TBCA: variants seen among roughly 807,000 people sequenced by gnomAD.
The protein encoded by TBCA is tubulin folding cofactor A.
TBCA carries 6 observed loss-of-function variants against 15.8 expected under a neutral mutation model. The ratio of observed to expected loss-of-function variants is 0.38; its 90% CI spans 0.21 to 0.75. The LOEUF (loss-of-function observed/expected upper bound fraction) is 0.75. Among genes scored for constraint, TBCA ranks in the 30% least tolerant of loss-of-function variants. The pLI is 0.46. For synonymous variants in TBCA, 32 were observed against 42.3 expected, an observed-to-expected ratio of 0.76 and a Z score of 0.94; for missense variants, 90 against 131.2, an observed-to-expected ratio of 0.69 and a Z score of 1.53.
chr5:77,755,997 C>G (rs1747466533), intron 1 of TBCA, among the ~76,000 whole-genome samples: 1 of 152,092 alleles, frequency 6.6e-6, no homozygotes, highest in Non-Finnish European at 1.5e-5. Flanking sequence ...AAGAGCGAAA[C>G]TTTATCTCAA....
intron 1 of TBCA, among the ~76,000 whole-genome samples, chr5:77,744,229 T>C (rs1383387855): frequency 2.6e-5 from 4 of 152,112 alleles, no homozygotes; most frequent in Non-Finnish European, 5.9e-5. Flanking sequence ...AATCCTAGAA[T>C]AGTAGTTCTC....
At chr5:77,706,385 G>A (rs995312932) in intron 2 of TBCA, among the ~76,000 whole-genome samples, 1 of 152,126 alleles carries the variant, frequency 6.6e-6, no homozygotes. Flanking sequence ...TGGTGGGGAA[G>A]GAATGGAGGA....
chr5:77,751,291 AGCTGGGATTATAGGC>A (rs1325045672), intron 1 of TBCA, among the ~76,000 whole-genome samples: 11 of 150,238 alleles, frequency 7.3e-5, no homozygotes, highest in Admixed American at 6.7e-4. Flanking sequence ...CTTCCTGGGT[AGCTGGGATTATAGGC>A]GCCCACCACC....
At chr5:77,725,214 C>T (rs1746606819) in intron 1 of TBCA, among the ~76,000 whole-genome samples, 1 of 152,216 alleles carries the variant, frequency 6.6e-6, no homozygotes, top group Admixed American at 6.5e-5. Context: ...TGCTCATTAG[C>T]TGCGAACCGT....
chr5:77,714,424 C>A (rs1477454316), intron 1 of TBCA, among the ~76,000 whole-genome samples: 1 of 152,080 alleles, frequency 6.6e-6, no homozygotes, highest in African/African-American at 2.4e-5. Flanking sequence ...ACTTACACTT[C>A]TCATTAATAA....
chr5:77,738,546 G>A (rs1746963189), intron 1 of TBCA, among the ~76,000 whole-genome samples: 1 of 152,198 alleles, frequency 6.6e-6, no homozygotes, highest in Non-Finnish European at 1.5e-5. Flanking sequence ...GATTCTGCTT[G>A]TTGAACTAGT....
intron 1 of TBCA, among the ~76,000 whole-genome samples, chr5:77,717,868 G>A (rs1347949824): frequency 3.3e-5 from 5 of 151,516 alleles, no homozygotes; most frequent in Non-Finnish European, 4.4e-5. Flanking sequence ...AGTGGCTTAC[G>A]CCTGTAATCC....
At chr5:77,726,045 C>T (rs893905328) in intron 1 of TBCA, among the ~76,000 whole-genome samples, 21 of 152,318 alleles carry the variant, frequency 1.4e-4, no homozygotes, top group African/African-American at 5.1e-4. Flanking sequence ...AGACTCGACA[C>T]ACATTCAACT....
chr5:77,766,287 T>C (rs1209591824), intron 1 of TBCA, among the ~76,000 whole-genome samples: 1 of 152,166 alleles, frequency 6.6e-6, no homozygotes, highest in African/African-American at 2.4e-5. Context: ...AGAACTGTAA[T>C]AATTTTTAAA....
At chr5:77,713,381 G>A (rs1401960098) in intron 1 of TBCA, among the ~76,000 whole-genome samples, 3 of 152,090 alleles carry the variant, frequency 2.0e-5, no homozygotes, top group African/African-American at 4.8e-5. Flanking sequence ...AAATACAGCT[G>A]TTAGTGATTG....
chr5:77,747,107 C>T (rs1240267883), intron 1 of TBCA, among the ~76,000 whole-genome samples: 4 of 152,012 alleles, frequency 2.6e-5, no homozygotes, highest in Non-Finnish European at 5.9e-5. Context: ...GAAAATTACA[C>T]TTTAAAAATC....
intron 2 of TBCA, among the ~76,000 whole-genome samples, chr5:77,704,291 C>A (rs1482885853): frequency 3.3e-5 from 5 of 152,136 alleles, no homozygotes. Context: ...TTTAAAAGAA[C>A]CAAAATTATA....
chr5:77,726,728 T>C (rs926116165), intron 1 of TBCA, among the ~76,000 whole-genome samples: 2 of 152,184 alleles, frequency 1.3e-5, no homozygotes, highest in African/African-American at 4.8e-5. Flanking sequence ...AGAAGCTGAA[T>C]GATAACATTT....
chr5:77,713,121 T>C (rs1422026461), intron 1 of TBCA, among the ~76,000 whole-genome samples: 3 of 152,004 alleles, frequency 2.0e-5, no homozygotes, highest in African/African-American at 2.4e-5. Flanking sequence ...CGGCGAGATT[T>C]TGTCTCTACA....
intron 1 of TBCA, among the ~76,000 whole-genome samples, chr5:77,736,528 A>G (rs1256112298): frequency 6.6e-6 from 1 of 152,172 alleles, no homozygotes; most frequent in African/African-American, 2.4e-5. Context: ...CTCTGCGTGT[A>G]TTTCTCAGTA....
intron 1 of TBCA, among the ~76,000 whole-genome samples, chr5:77,750,409 T>G (rs562400402): frequency 6.6e-6 from 1 of 152,142 alleles, no homozygotes; most frequent in Non-Finnish European, 1.5e-5. Flanking sequence ...TGGGGATGTG[T>G]TCCTGACTCA....
chr5:77,702,095 G>A (rs893541053), intron 2 of TBCA, among the ~76,000 whole-genome samples: 1 of 152,072 alleles, frequency 6.6e-6, no homozygotes, highest in African/African-American at 2.4e-5. Flanking sequence ...AGTGTACACT[G>A]CTTGGGTGAT....
chr5:77,774,416 T>C (rs767140284), intron 1 of TBCA, among the ~76,000 whole-genome samples: 1 of 152,180 alleles, frequency 6.6e-6, no homozygotes, highest in Non-Finnish European at 1.5e-5. Flanking sequence ...ATTTACAATC[T>C]ATTCTCTCTG....
At chr5:77,772,980 G>C (rs936474559) in intron 1 of TBCA, among the ~76,000 whole-genome samples, 1 of 152,056 alleles carries the variant, frequency 6.6e-6, no homozygotes, top group East Asian at 1.9e-4. Flanking sequence ...GAAATGTCAA[G>C]GTCATATAAG....
Sources: allele counts gnomAD v4.1 joint callset (sites outside exome capture counted in the v4.1 genomes callset), GRCh38; gene constraint gnomAD v4.1.1; transcripts MANE v1.5; gene names NCBI Gene and HGNC (gene_info 2026-07-23, HGNC 2026-07-21).